The following DST variants were observed in gnomAD, a reference collection of about 807,000 sequenced individuals.
DST encodes the protein bullous pemphigoid antigen.
A neutral mutation model predicts 875.2 loss-of-function variants in DST; 253 were observed. That is an observed-to-expected ratio of 0.29 (90% CI 0.26 to 0.32). The LOEUF (loss-of-function observed/expected upper bound fraction) is 0.32. Among genes scored for constraint, DST ranks in the 10% least tolerant of loss-of-function variants. DST has a pLI of 1.00. For synonymous variants in DST, 3,124 were observed against 3,197.1 expected, an observed-to-expected ratio of 0.98 and a Z score of 0.77; for missense variants, 8,287 against 9,111.6, an observed-to-expected ratio of 0.91 and a Z score of 3.68.
chr6:56,684,499 G>A (rs1219712048), intron 9 of DST, among the ~76,000 whole-genome samples: 2 of 152,174 alleles, frequency 1.3e-5, no homozygotes, highest in Non-Finnish European at 2.9e-5. Context: ...TTTGGCGGAT[G>A]CCCTCCTCTC....
rs201950248 is a variant in DST, at chr6:56,585,344, T to C, written c.12904-6407A>G. 2.1e-3 allele frequency among the ~76,000 whole-genome samples: 326 copies of C among 152,342 alleles called. 2 individuals carry two copies. The highest frequency in any genetic ancestry group is 0.01 in the East Asian group (53 of 5,192). On this transcript the variant is annotated intron_variant, in intron 49 of 103. Transcript: ENST00000680361. ...TTGGGAGAGTGTATGTGTCGAGGAA[T>C]TTATCCATTTCTTCTAGATTTTCTA...
chr6:56,565,966 C>A (rs572537335), intron 55 of DST, among the ~76,000 whole-genome samples: 77 of 152,308 alleles, frequency 5.1e-4, no homozygotes, highest in Admixed American at 4.6e-3. Context: ...CTGCCCAGTT[C>A]GAACTTCCCT....
At chr6:56,524,749 C>T (rs1193201776) in intron 69 of DST, among the ~76,000 whole-genome samples, 1 of 152,002 alleles carries the variant, frequency 6.6e-6, no homozygotes, top group Non-Finnish European at 1.5e-5. Context: ...AAGACTTTTA[C>T]TATATACATT....
At chr6:56,504,507 C>T (rs74589038) in intron 77 of DST, among the ~76,000 whole-genome samples, 3,574 of 152,136 alleles carry the variant, frequency 0.023, 136 homozygotes, top group African/African-American at 0.08. Context: ...CTGTTTAGAA[C>T]TTAGGCAAAA....
intron 4 of DST, among the ~76,000 whole-genome samples, chr6:56,759,089 T>C (rs2152960145): frequency 6.6e-6 from 1 of 152,308 alleles, no homozygotes; most frequent in East Asian, 1.9e-4. Flanking sequence ...CAAATGATCA[T>C]TTAAAGCCAC....
chr6:56,604,487 C>A lies in DST; in HGVS notation c.10141G>T (p.Asp3381Tyr). 1 of 1,612,298 alleles carries A rather than the reference C, an allele frequency of 6.2e-7. No individual in the cohort carries two copies. Among genetic ancestry groups the A allele is most frequent in the Non-Finnish European group, 8.5e-7 (1 of 1,179,008 alleles). ...AAATTTTGAATTAAAATTTTAGTGTCTGCACAGGCTGAAGGTTCTTCAACC... is the reference window on the plus strand; with the variant it reads ...AAATTTTGAATTAAAATTTTAGTGTATGCACAGGCTGAAGGTTCTTCAACC... The part of the protein sequence containing the change: ...QEVEEPSACA[D>Y]TKILIQNLIK... The change falls in exon 40 of 104, where the codon GAC becomes TAC. Residue 3381 changes from aspartate to tyrosine, a missense_variant. Physicochemically the swap from Asp to Tyr is radical, Grantham distance 160. Around this residue, in one of 10 missense-constraint regions of DST, gnomAD observed 3,138 missense variants for 3,116.6 expected, o/e 1.01. Transcript: ENST00000680361.
chr6:56,662,471 A>G (rs2099049018), intron 10 of DST, among the ~76,000 whole-genome samples: 1 of 152,228 alleles, frequency 6.6e-6, no homozygotes, highest in African/African-American at 2.4e-5. Context: ...TACAAGAAAA[A>G]GTAGGACTGT....
chr6:56,583,937 GT>G (rs1257519444), intron 49 of DST, among the ~76,000 whole-genome samples: 4 of 152,124 alleles, frequency 2.6e-5, no homozygotes, highest in African/African-American at 9.7e-5. Context: ...GCTCTGTTCT[GT>G]TCCATTGATC....
intron 2 of DST, among the ~76,000 whole-genome samples, chr6:56,912,539 C>T (rs756603603): frequency 6.6e-6 from 1 of 152,110 alleles, no homozygotes; most frequent in African/African-American, 2.4e-5. Context: ...TACCTAAAAT[C>T]GGTGATGGCT....
intron 4 of DST, among the ~76,000 whole-genome samples, chr6:56,779,285 C>A (rs985978789): frequency 6.6e-6 from 1 of 151,968 alleles, no homozygotes; most frequent in African/African-American, 2.4e-5. Flanking sequence ...TGGATATTAG[C>A]CCTTTGTCAG....
intron 4 of DST, among the ~76,000 whole-genome samples, chr6:56,770,856 T>C (rs1466312665): frequency 6.6e-6 from 1 of 151,908 alleles, no homozygotes; most frequent in African/African-American, 2.4e-5. Flanking sequence ...CAAAATTACC[T>C]GTGCATGGTG....
At chr6:56,584,378 G>A (rs969327713) in intron 49 of DST, among the ~76,000 whole-genome samples, 2 of 152,132 alleles carry the variant, frequency 1.3e-5, no homozygotes, top group Non-Finnish European at 2.9e-5. Flanking sequence ...GTTCACTCAT[G>A]ATTTGGCTCT....
intron 3 of DST, among the ~76,000 whole-genome samples, chr6:56,855,966 T>C (rs1203212669): frequency 2.0e-5 from 3 of 152,180 alleles, no homozygotes; most frequent in Non-Finnish European, 2.9e-5. Flanking sequence ...CTCATCAACA[T>C]TATTAACAAA....
chr6:56,593,297 C>T (rs2098314319), intron 48 of DST, among the ~76,000 whole-genome samples: 1 of 151,952 alleles, frequency 6.6e-6, no homozygotes, highest in African/African-American at 2.4e-5. Flanking sequence ...GAGCGGATCA[C>T]GAGGTCAGGA....
intron 12 of DST, 38 bp downstream of exon 12, chr6:56,650,888 G>A (rs1403669981): frequency 7.6e-7 from 1 of 1,317,108 alleles, no homozygotes; most frequent in South Asian, 1.2e-5. Flanking sequence ...GGTCATTACT[G>A]AATCAACAGC....
chr6:56,614,893 TAC>T, intron 36 of DST: 1 of 992,344 alleles, frequency 1.0e-6, no homozygotes, highest in Non-Finnish European at 1.2e-6. Flanking sequence ...GTAAGGAAAA[TAC>T]ACAGAATGAA....
At position 56,759,207 on chromosome 6, in the gene DST, C is replaced by A. The variant is rs1421950304; in HGVS notation, c.626-23918G>T. 2.6e-5 allele frequency among the ~76,000 whole-genome samples: 4 copies of A among 152,136 alleles called. No individual in the cohort carries two copies. The East Asian group carries it at 5.8e-4, about 22-fold the overall frequency. On this transcript the variant is annotated intron_variant, in intron 4 of 103. Coordinates refer to ENST00000680361, the MANE Select transcript of DST (RefSeq NM_001374736.1). Reference sequence around the variant, plus strand: ...GGCTCACGCCTGTAATCCCAGCACTCTGGGAGGCCGAAGTGGGCGGATCAC... The same window carrying A: ...GGCTCACGCCTGTAATCCCAGCACTATGGGAGGCCGAAGTGGGCGGATCAC...
At chr6:56,497,795 A>G in intron 81 of DST, 61 bp downstream of exon 81, 2 of 1,404,320 alleles carry the variant, frequency 1.4e-6, no homozygotes, top group Middle Eastern at 3.8e-4. Context: ...TAATAAAAGA[A>G]TTCCATGCTA....
chr6:56,821,772 T>C (rs979118290), intron 4 of DST, among the ~76,000 whole-genome samples: 10 of 152,116 alleles, frequency 6.6e-5, no homozygotes, highest in African/African-American at 2.4e-4. Flanking sequence ...AGTAGGAAAA[T>C]ATAGAAATCT....
Sources: allele counts gnomAD v4.1 joint callset (sites outside exome capture counted in the v4.1 genomes callset), GRCh38; gene constraint gnomAD v4.1.1; regional missense constraint gnomAD v4.1.1; transcripts MANE v1.5; gene names NCBI Gene and HGNC (gene_info 2026-07-23, HGNC 2026-07-21).